Variants in VSTM2A observed in about 807,000 individuals in gnomAD.
VSTM2A encodes V-set and transmembrane domain-containing protein 2A.
VSTM2A carries 13 observed loss-of-function variants against 27.3 expected under a neutral mutation model. The observed-to-expected ratio is 0.48, with a 90% CI of 0.31 to 0.76. VSTM2A has a LOEUF of 0.76. Among genes scored for constraint, VSTM2A ranks in the 30% least tolerant of loss-of-function variants. The pLI is 0.05. For synonymous variants in VSTM2A, 142 were observed against 125.7 expected (o/e 1.13, Z -0.87); for missense variants, 280 against 310.0 (o/e 0.90, Z 0.73).
At chr7:54,560,020 T>C (rs1390146739) in intron 4 of VSTM2A, 3 of 152,216 alleles carry the variant, frequency 2.0e-5, no homozygotes, top group Non-Finnish European at 2.9e-5. Context: ...TTATAACTTT[T>C]GTACAATGAT....
chr7:54,568,526 G>A (rs534208666), intron 4 of VSTM2A, among the ~76,000 whole-genome samples: 8 of 151,054 alleles, frequency 5.3e-5, no homozygotes, highest in South Asian at 2.1e-4. Flanking sequence ...CCAAGATTTC[G>A]AGGATTAAAA....
At chr7:54,555,732 T>C (rs1236580054) in intron 4 of VSTM2A, among the ~76,000 whole-genome samples, 2 of 152,250 alleles carry the variant, frequency 1.3e-5, no homozygotes, top group African/African-American at 4.8e-5. Context: ...AGCTTGTTTC[T>C]GCAATTCCTC....
At position 54,566,922 on chromosome 7, in the gene VSTM2A, CAT is replaced by C. The variant is rs1293200552; in HGVS notation, c.635-2208_635-2207del. 3.3e-5 allele frequency among the ~76,000 whole-genome samples: 5 copies of C among 152,124 alleles called. No individual in the cohort carries two copies. In the East Asian group the frequency reaches 5.8e-4, roughly 18 times the overall value. ...AATATTTCCATACAATAAACCATAA[CAT>C]GTTTGATAAGAAGTAATGGCATTAT... is the stretch of plus-strand genomic sequence containing the variant. On this transcript the variant is annotated intron_variant, in intron 4 of 4. Transcript: ENST00000402613.
At position 54,569,364 on chromosome 7, in the gene VSTM2A, G is replaced by T. The variant is rs951933222; in HGVS notation, c.*145G>T. The T allele has an allele frequency of 1.2e-5, 16 of 1,389,252 alleles. No homozygotes were observed. The highest frequency in any genetic ancestry group is 2.4e-4 in the Middle Eastern group (1 of 4,238). The allele number at this position is 1,389,252 out of a possible 1,614,324, so 86.1% of individuals were successfully genotyped here. On this transcript the variant is annotated 3_prime_UTR_variant, in exon 5 of 5. Transcript: ENST00000402613. Reference sequence around the variant, plus strand: ...GTGATAGAACGTTTTCTAATAGCAAGATCTATTTTTTCCCTTTTCTTTCGG... The same window carrying T: ...GTGATAGAACGTTTTCTAATAGCAATATCTATTTTTTCCCTTTTCTTTCGG...
intron 2 of VSTM2A, chr7:54,546,534 CCGCCCGCCTCACCCCTGGCG>C (rs1344452770): frequency 1.8e-5 from 3 of 168,196 alleles, no homozygotes; most frequent in South Asian, 2.0e-4. Flanking sequence ...CCCCTGGCGC[CCGCCCGCCTCACCCCTGGCG>C]CCCCCCCGCC....
chr7:54,553,953 A>G (rs1431913553), intron 4 of VSTM2A: 10 of 1,551,720 alleles, frequency 6.4e-6, no homozygotes, highest in Admixed American at 3.9e-5. Flanking sequence ...ACTTTTTTCT[A>G]CTGACCCCCT....
intron 3 of VSTM2A, among the ~76,000 whole-genome samples, chr7:54,548,656 C>A (rs1434213079): frequency 2.6e-5 from 4 of 152,050 alleles, no homozygotes; most frequent in Non-Finnish European, 5.9e-5. Context: ...GGAGATTTAA[C>A]CCAGAATAAA....
chr7:54,546,205 G>A (rs1787959933), intron 2 of VSTM2A: 2 of 153,156 alleles, frequency 1.3e-5, no homozygotes, highest in Admixed American at 1.3e-4. Context: ...GAGGAAGCGA[G>A]GAGAGAAGGA....
intron 4 of VSTM2A, chr7:54,559,212 GCAA>G (rs1788471855): frequency 6.6e-6 from 1 of 151,994 alleles, no homozygotes; most frequent in Non-Finnish European, 1.5e-5. Context: ...CTCAATAGTA[GCAA>G]CAAGTAAAAG....
chr7:54,543,164 T>C (rs1787840667), intron 1 of VSTM2A, among the ~76,000 whole-genome samples: 1 of 152,286 alleles, frequency 6.6e-6, no homozygotes, highest in Admixed American at 6.5e-5. Context: ...GGCTGGATAC[T>C]GGGACTCTCC....
At chr7:54,546,752 C>T (rs1384109728) in intron 2 of VSTM2A, 195 bp from the exon 3 acceptor site, 5 of 567,588 alleles carry the variant, frequency 8.8e-6, no homozygotes, top group Non-Finnish European at 1.5e-5. Context: ...ATGCCAGGGA[C>T]AGCGTGGGGT....
chr7:54,560,060 G>A (rs1788505972), intron 4 of VSTM2A: 1 of 152,004 alleles, frequency 6.6e-6, no homozygotes, highest in Non-Finnish European at 1.5e-5. Context: ...AGCAGAAAAA[G>A]AAAATTTAAA....
At position 54,542,509 on chromosome 7, in the gene VSTM2A, C is replaced by G; in HGVS notation, c.-222C>G. ...CGAGACACTTCCCAGCGATTCCAGC[C>G]TGGGCTCCGCAGGAAGCCTCGCTGA... On this transcript the variant is annotated 5_prime_UTR_variant, in exon 1 of 5. Transcript: ENST00000402613. The G allele has an allele frequency of 1.8e-6, 1 of 559,366 alleles. No individual in the cohort carries two copies. The highest frequency in any genetic ancestry group is 3.1e-6 in the Non-Finnish European group (1 of 318,370). The allele number at this position is 559,366 out of a possible 1,614,324, so 34.7% of individuals were successfully genotyped here.
chr7:54,551,171 A>G (rs1024306942), intron 4 of VSTM2A: 1 of 152,048 alleles, frequency 6.6e-6, no homozygotes, highest in Non-Finnish European at 1.5e-5. Context: ...ACGCACACAC[A>G]CACACATCTC....
chr7:54,547,125 T>C, intron 3 of VSTM2A, 128 bp downstream of exon 3: 1 of 996,680 alleles, frequency 1.0e-6, no homozygotes, highest in Non-Finnish European at 1.4e-6. Context: ...GCTTGCCTCA[T>C]TAGATACATA....
chr7:54,565,828 A>C (rs1788703295), intron 4 of VSTM2A, among the ~76,000 whole-genome samples: 1 of 152,252 alleles, frequency 6.6e-6, no homozygotes. Flanking sequence ...TAGTGAAGTT[A>C]ATATCTGGAA....
chr7:54,562,407 T>A (rs1788590417), intron 4 of VSTM2A, among the ~76,000 whole-genome samples: 2 of 152,154 alleles, frequency 1.3e-5, no homozygotes, highest in South Asian at 4.2e-4. Context: ...TTTCCTGCTT[T>A]GATGAGAGAT....
intron 4 of VSTM2A, chr7:54,558,029 G>A (rs1788427970): frequency 6.6e-6 from 1 of 152,064 alleles, no homozygotes; most frequent in South Asian, 2.1e-4. Flanking sequence ...TTAGCCACCA[G>A]CTGTCTTGCC....
chr7:54,549,335 C>T (rs1788105519), intron 3 of VSTM2A, among the ~76,000 whole-genome samples: 8 of 152,180 alleles, frequency 5.3e-5, no homozygotes, highest in Admixed American at 5.2e-4. Flanking sequence ...ATTAATAGCA[C>T]CTTTAGTAGT....
Sources: gnomAD v4.1 joint callset for allele counts (sites outside exome capture counted in the v4.1 genomes callset) on GRCh38, gnomAD v4.1.1 for gene constraint, MANE v1.5 for transcripts, NCBI Gene and HGNC (gene_info 2026-07-23, HGNC 2026-07-21) for gene names.